The following THSD7B variants were observed in gnomAD, a reference collection of about 807,000 sequenced individuals.
THSD7B encodes the protein thrombospondin type 1 domain containing 7B.
Under a neutral mutation model 213.6 loss-of-function variants are expected in THSD7B, and 138 were observed. That is an observed-to-expected ratio of 0.65 (90% CI 0.56 to 0.74). The LOEUF is 0.74. THSD7B is among the 30% of genes least tolerant of loss of function. The pLI, the probability that THSD7B is intolerant of heterozygous loss-of-function variation, is 0.00. For missense variants in THSD7B, 1,931 were observed against 1,991.5 expected (o/e 0.97, Z 0.58); for synonymous variants, 742 against 687.0 (o/e 1.08, Z -1.25).
intron 15 of THSD7B, among the ~76,000 whole-genome samples, chr2:137,533,990 G>C (rs538564616): frequency 6.9e-6 from 1 of 145,096 alleles, no homozygotes; most frequent in Admixed American, 6.9e-5. Context: ...ATAACTGCCC[G>C]TGCACATGTA....
At chr2:137,655,942 T>C (rs1683228412) in intron 22 of THSD7B, among the ~76,000 whole-genome samples, 1 of 152,180 alleles carries the variant, frequency 6.6e-6, no homozygotes. Context: ...CTAGCCCCTG[T>C]GAGCAATGAT....
chr2:137,339,594 T>C (rs1250573435), intron 12 of THSD7B, among the ~76,000 whole-genome samples: 26 of 151,726 alleles, frequency 1.7e-4, no homozygotes, highest in Admixed American at 1.6e-3. Context: ...TGTTCATAAA[T>C]TGATCTCTCA....
intron 2 of THSD7B, among the ~76,000 whole-genome samples, chr2:136,918,331 T>C (rs2105031377): frequency 6.8e-6 from 1 of 147,460 alleles, no homozygotes; most frequent in South Asian, 2.2e-4. Flanking sequence ...GTCTCTTTCA[T>C]TTTTATTTCT....
chr2:137,038,821 C>A (rs10195534), intron 2 of THSD7B, among the ~76,000 whole-genome samples: 88,391 of 152,112 alleles, frequency 0.58, 29,650 homozygotes, highest in Non-Finnish European at 0.73. Context: ...TGGCACATTC[C>A]AGTTTGCTTT....
chr2:137,174,997 G>A (rs374164364), intron 7 of THSD7B, among the ~76,000 whole-genome samples: 4 of 152,140 alleles, frequency 2.6e-5, no homozygotes, highest in African/African-American at 7.2e-5. Flanking sequence ...TAACTGGTTC[G>A]TTATTGCCAG....
At chr2:136,789,206 C>T (rs1299363302) in intron 1 of THSD7B, among the ~76,000 whole-genome samples, 1 of 151,880 alleles carries the variant, frequency 6.6e-6, no homozygotes, top group African/African-American at 2.4e-5. Flanking sequence ...AAACTGCTTC[C>T]AGGCCATTTC....
chr2:136,766,457 T>C (rs543271648), intron 1 of THSD7B, among the ~76,000 whole-genome samples: 1 of 152,284 alleles, frequency 6.6e-6, no homozygotes, highest in African/African-American at 2.4e-5. Context: ...CATCTGCACC[T>C]GTCCCCTTTG....
chr2:137,460,428 G>A (rs1409923812), intron 15 of THSD7B, among the ~76,000 whole-genome samples: 1 of 152,026 alleles, frequency 6.6e-6, no homozygotes, highest in Non-Finnish European at 1.5e-5. Context: ...CAGTTTACTT[G>A]TATTTATATT....
intron 3 of THSD7B, among the ~76,000 whole-genome samples, chr2:137,072,683 G>A (rs569541740): frequency 2.0e-3 from 312 of 152,244 alleles, no homozygotes; most frequent in Non-Finnish European, 3.1e-3. Context: ...TCTTGTGCCC[G>A]TTTTCAAAGG....
chr2:137,170,587 C>T (rs1680226019), intron 6 of THSD7B, among the ~76,000 whole-genome samples, 154 bp from the exon 7 acceptor site: 1 of 152,034 alleles, frequency 6.6e-6, no homozygotes. Context: ...TACATCTCAT[C>T]CTCTCACTTC....
At chr2:137,523,560 T>C (rs556700152) in intron 15 of THSD7B, among the ~76,000 whole-genome samples, 18 of 152,188 alleles carry the variant, frequency 1.2e-4, no homozygotes, top group South Asian at 1.0e-3. Flanking sequence ...TTTGAGAAAC[T>C]TGGAGTATAT....
chr2:137,157,416 G>T (rs1240865280), intron 5 of THSD7B, among the ~76,000 whole-genome samples: 1 of 152,140 alleles, frequency 6.6e-6, no homozygotes, highest in South Asian at 2.1e-4. Flanking sequence ...AGGACATCTT[G>T]TTCTTATGGG....
intron 1 of THSD7B, among the ~76,000 whole-genome samples, chr2:136,769,784 T>G (rs1681472001): frequency 6.6e-6 from 1 of 152,206 alleles, no homozygotes; most frequent in African/African-American, 2.4e-5. Context: ...TAGAAAAGGT[T>G]AGACATTGAC....
chr2:137,084,221 A>C lies in THSD7B; in HGVS notation c.951-10652A>C, dbSNP rs561814013. Among the ~76,000 whole-genome samples the C allele has an allele frequency of 7.2e-5, 11 of 152,288 alleles. 1 individual carries two copies. The South Asian group carries it at 2.3e-3, about 32-fold the overall frequency. On this transcript the variant is annotated intron_variant, in intron 3 of 27. Coordinates refer to ENST00000409968, the MANE Select transcript of THSD7B (RefSeq NM_001316349.2). ...TGAACATGATAAAATGAACACAGCTATGTCTGCTGTATTGGGGAAATCTAC... is the reference window on the plus strand; with the variant it reads ...TGAACATGATAAAATGAACACAGCTCTGTCTGCTGTATTGGGGAAATCTAC...
rs1265598463 is a variant in THSD7B at position 137,395,490 on chromosome 2, G to A, written c.2501-10123G>A. On this transcript the variant is annotated intron_variant, in intron 12 of 27. Transcript: ENST00000409968. ...TTATTGATTTGCATATATTGAACCAGCCTTGCATCCCAGGGATGAAGCCCA... is the reference window on the plus strand; with the variant it reads ...TTATTGATTTGCATATATTGAACCAACCTTGCATCCCAGGGATGAAGCCCA... 2.6e-5 allele frequency among the ~76,000 whole-genome samples: 4 copies of A among 151,104 alleles called. No individual in the cohort carries two copies. The East Asian group carries it at 7.8e-4, about 30-fold the overall frequency.
intron 12 of THSD7B, among the ~76,000 whole-genome samples, chr2:137,284,841 AGGTGT>A (rs1399277319): frequency 2.6e-5 from 4 of 152,080 alleles, no homozygotes; most frequent in African/African-American, 9.7e-5. Flanking sequence ...ATTTTGGAAT[AGGTGT>A]GGTGTGGTGC....
chr2:137,517,575 A>G (rs543413340), intron 15 of THSD7B, among the ~76,000 whole-genome samples: 1 of 152,320 alleles, frequency 6.6e-6, no homozygotes, highest in East Asian at 1.9e-4. Flanking sequence ...CACATTCCTC[A>G]TTTGAATGTG....
At chr2:137,136,625 T>A (rs1679466807) in intron 5 of THSD7B, among the ~76,000 whole-genome samples, 1 of 152,160 alleles carries the variant, frequency 6.6e-6, no homozygotes, top group Non-Finnish European at 1.5e-5. Flanking sequence ...ACTCTGAGTA[T>A]GTGTGTAACC....
chr2:137,118,998 A>AC (rs1193958041), intron 5 of THSD7B, among the ~76,000 whole-genome samples: 2 of 151,804 alleles, frequency 1.3e-5, no homozygotes, highest in African/African-American at 4.8e-5. Flanking sequence ...TGGGGCAAAC[A>AC]CCCCCATGAT....
Sources: allele counts gnomAD v4.1 joint callset (sites outside exome capture counted in the v4.1 genomes callset), GRCh38; gene constraint gnomAD v4.1.1; transcripts MANE v1.5; gene names NCBI Gene and HGNC (gene_info 2026-07-23, HGNC 2026-07-21).